The following SPIRE1 variants were observed in gnomAD, a reference collection of about 807,000 sequenced individuals.
The protein encoded by SPIRE1 is spire type actin nucleation factor 1, also known as protein spire homolog 1.
A neutral mutation model predicts 94.1 loss-of-function variants in SPIRE1; 40 were observed. The observed-to-expected ratio is 0.43, with a 90% confidence interval of 0.33 to 0.55. The LOEUF (loss-of-function observed/expected upper bound fraction) is 0.55, where lower values mean the gene tolerates loss of function less well. Ranked by LOEUF, SPIRE1 falls within the 20% of genes least tolerant of loss-of-function variation. The pLI is 0.06. For synonymous variants in SPIRE1, 376 were observed against 371.7 expected (o/e 1.01, Z -0.13); for missense variants, 838 against 975.2 (o/e 0.86, Z 1.87).
chr18:12,452,583 G>C, intron 14 of SPIRE1, 71 bp from the exon 15 acceptor site: 1 of 1,473,322 alleles, frequency 6.8e-7, no homozygotes, highest in Non-Finnish European at 9.5e-7. Flanking sequence ...AGAAGCCTAT[G>C]GCAGTACAGT....
intron 1 of SPIRE1, among the ~76,000 whole-genome samples, chr18:12,635,638 C>T (rs1756819993): frequency 6.6e-6 from 1 of 152,046 alleles, no homozygotes; most frequent in Non-Finnish European, 1.5e-5. Flanking sequence ...CAGAGGCTCA[C>T]TTAAAGAATA....
At chr18:12,548,153 G>A (rs1001124010) in intron 2 of SPIRE1, among the ~76,000 whole-genome samples, 1 of 152,110 alleles carries the variant, frequency 6.6e-6, no homozygotes, top group Non-Finnish European at 1.5e-5. Context: ...ACTTATTACA[G>A]GGACTCAATA....
intron 1 of SPIRE1, among the ~76,000 whole-genome samples, chr18:12,648,541 G>C (rs989272649): frequency 6.6e-6 from 1 of 151,990 alleles, no homozygotes; most frequent in African/African-American, 2.4e-5. Flanking sequence ...AGAAACTAAG[G>C]AGATATGATG....
rs2038603601 is a variant in SPIRE1 at position 12,657,875 on chromosome 18, T to A, written c.-9A>T. 1.9e-6 allele frequency: 2 copies of A among 1,055,556 alleles called. No homozygotes were observed. Among genetic ancestry groups the A allele is most frequent in the Non-Finnish European group, 2.3e-6 (2 of 879,172 alleles). 65.4% of individuals were successfully genotyped at this position (1,055,556 alleles called of 1,614,324 possible). Reference sequence around the variant, plus strand: ...CCAGCCGCCTGAGCCATCCCGCGGGTGGGCGCTGCGCTCGGCAGTCGCGCC... The same window carrying A: ...CCAGCCGCCTGAGCCATCCCGCGGGAGGGCGCTGCGCTCGGCAGTCGCGCC... On this transcript the variant is annotated 5_prime_UTR_variant, in exon 1 of 17. Transcript: ENST00000409402.
chr18:12,458,563 G>A (rs180857265), intron 12 of SPIRE1, among the ~76,000 whole-genome samples: 3 of 152,148 alleles, frequency 2.0e-5, no homozygotes, highest in Non-Finnish European at 2.9e-5. Flanking sequence ...GCAGTGAGCC[G>A]ATATCGCGTC....
At chr18:12,629,384 G>A (rs1188272456) in intron 2 of SPIRE1, among the ~76,000 whole-genome samples, 1 of 152,224 alleles carries the variant, frequency 6.6e-6, no homozygotes, top group African/African-American at 2.4e-5. Context: ...AACAATGGCA[G>A]TAGGAAAAAT....
rs2038584127 is a variant in SPIRE1, at chr18:12,657,516, C to A, written c.337+14G>T. 1 of 1,230,292 alleles carries A rather than the reference C, an allele frequency of 8.1e-7. No homozygotes were observed. The highest frequency in any genetic ancestry group is 1.0e-6 in the Non-Finnish European group (1 of 986,282). 76.2% of individuals were successfully genotyped at this position (1,230,292 alleles called of 1,614,324 possible). A position where few individuals can be genotyped will look rare whatever the true frequency, so the allele number is the denominator to read the frequency against. On this transcript the variant is annotated intron_variant, in intron 1 of 16. Coordinates refer to ENST00000409402, the MANE Select transcript of SPIRE1 (RefSeq NM_001128626.2). ...TTCCAAGAACTACGAGGGAAAGGGG[C>A]CCGGCGGCCTCACCCGCAACTGGGG...
rs2035611623 is a variant in SPIRE1, at chr18:12,559,183, T to TG, written c.373-12280dup. Among the ~76,000 whole-genome samples the TG allele has an allele frequency of 5.5e-5, 1 of 18,128 alleles. No homozygotes were observed. Among genetic ancestry groups the TG allele is most frequent in the African/African-American group, 1.6e-4 (1 of 6,354 alleles). The allele number at this position is 18,128 out of a possible 152,430, so 11.9% of individuals were successfully genotyped here. A position where few individuals can be genotyped will look rare whatever the true frequency, so the allele number is the denominator to read the frequency against. On this transcript the variant is annotated intron_variant, in intron 2 of 16. Transcript: ENST00000409402. This position sits in a 1 kb window ranked among gnomAD's most constrained non-coding sequence, Gnocchi z 4.7. Reference sequence around the variant, plus strand: ...CTGCTTAGGAGCCCACGGGGTGGGGTGGGGTGGGGGGGCGCCGGCATGGCA... The same window carrying TG: ...CTGCTTAGGAGCCCACGGGGTGGGGTGGGGGTGGGGGGGCGCCGGCATGGCA...
chr18:12,500,712 T>C (rs1040808184), intron 6 of SPIRE1, among the ~76,000 whole-genome samples: 13 of 151,874 alleles, frequency 8.6e-5, no homozygotes, highest in Middle Eastern at 3.4e-3. Flanking sequence ...AGAATCCAAT[T>C]GGAAAGAACC....
intron 4 of SPIRE1, among the ~76,000 whole-genome samples, chr18:12,519,535 T>C (rs2034300843): frequency 6.6e-6 from 1 of 152,202 alleles, no homozygotes; most frequent in Admixed American, 6.5e-5. Context: ...CCTATAGAAA[T>C]GCAGTGATGA....
chr18:12,449,481 G>T lies in SPIRE1; in HGVS notation c.*157C>A. ...CGTTTCATCAATCGATACGAACACA[G>T]CATTCAGTCTGTGGAACAATGTGAT... On this transcript the variant is annotated 3_prime_UTR_variant, in exon 17 of 17. Coordinates refer to ENST00000409402, the MANE Select transcript of SPIRE1 (RefSeq NM_001128626.2). 1 of 737,670 alleles carries T rather than the reference G, an allele frequency of 1.4e-6. No homozygotes were observed. The allele number at this position is 737,670 out of a possible 1,614,324, so 45.7% of individuals were successfully genotyped here.
At chr18:12,515,049 T>C (rs1335888447) in intron 4 of SPIRE1, among the ~76,000 whole-genome samples, 1 of 152,210 alleles carries the variant, frequency 6.6e-6, no homozygotes, top group East Asian at 1.9e-4. Flanking sequence ...GGCTGACACA[T>C]GCCCACTTGG....
intron 2 of SPIRE1, among the ~76,000 whole-genome samples, chr18:12,631,998 T>C (rs1003044490): frequency 2.0e-5 from 3 of 151,778 alleles, no homozygotes; most frequent in South Asian, 2.1e-4. Context: ...TGAGCCGTTA[T>C]CATGGCACTG....
intron 10 of SPIRE1, among the ~76,000 whole-genome samples, chr18:12,468,838 C>A (rs917730057): frequency 6.6e-6 from 1 of 152,114 alleles, no homozygotes; most frequent in Non-Finnish European, 1.5e-5. Flanking sequence ...GCCAGAGGAT[C>A]GCTTAAGCCA....
chr18:12,574,601 A>G (rs1324083685), intron 2 of SPIRE1, among the ~76,000 whole-genome samples: 1 of 152,230 alleles, frequency 6.6e-6, no homozygotes, highest in Admixed American at 6.5e-5. Flanking sequence ...CACAGACACT[A>G]AATAGGCAGC....
intron 2 of SPIRE1, among the ~76,000 whole-genome samples, chr18:12,617,638 T>TGACCTCAG (rs1385859163): frequency 6.6e-6 from 1 of 152,136 alleles, no homozygotes; most frequent in Admixed American, 6.5e-5. Flanking sequence ...CTCAAACTCC[T>TGACCTCAG]GACCTCAGGT....
intron 2 of SPIRE1, among the ~76,000 whole-genome samples, chr18:12,592,141 GA>G (rs1256658260): frequency 6.6e-6 from 1 of 152,060 alleles, no homozygotes; most frequent in Non-Finnish European, 1.5e-5. Flanking sequence ...CATCAGCACA[GA>G]GATGAGATTT....
intron 2 of SPIRE1, among the ~76,000 whole-genome samples, chr18:12,584,467 T>C (rs868812053): frequency 6.6e-6 from 1 of 151,750 alleles, no homozygotes; most frequent in Non-Finnish European, 1.5e-5. Context: ...AGAAAAACAG[T>C]ATTTAAAAGA....
intron 6 of SPIRE1, among the ~76,000 whole-genome samples, chr18:12,497,961 G>T (rs1379856427): frequency 2.0e-5 from 3 of 152,100 alleles, no homozygotes; most frequent in Admixed American, 6.5e-5. Context: ...TGTATCCTGG[G>T]TCCCAATTAC....
Sources: gnomAD v4.1 joint callset for allele counts (sites outside exome capture counted in the v4.1 genomes callset) on GRCh38, gnomAD v4.1.1 for gene constraint, Gnocchi (gnomAD v3.1) non-coding constraint, MANE v1.5 for transcripts, NCBI Gene and HGNC (gene_info 2026-07-23, HGNC 2026-07-21) for gene names.